GART: variants seen among roughly 807,000 people sequenced by gnomAD.
GART encodes the protein trifunctional purine biosynthetic protein adenosine-3.
GART carries 43 observed loss-of-function variants against 107.2 expected under a neutral mutation model. The ratio of observed to expected loss-of-function variants is 0.40; its 90% CI spans 0.31 to 0.52. The LOEUF is 0.52. GART is among the 20% of genes least tolerant of loss of function. The pLI is 0.52. For missense variants in GART, 1,107 were observed against 1,206.5 expected (o/e 0.92, Z 1.22); for synonymous variants, 434 against 427.0 (o/e 1.02, Z -0.20).
chr21:33,509,685 T>C (rs2084748626), intron 18 of GART, 98 bp downstream of exon 18: 5 of 1,285,872 alleles, frequency 3.9e-6, no homozygotes, highest in African/African-American at 1.5e-5. Flanking sequence ...CCCCAGTCCC[T>C]AGACTCTGCC....
At chr21:33,524,458 T>C (rs1601202004) in intron 11 of GART, 11 of 646,094 alleles carry the variant, frequency 1.7e-5, no homozygotes, top group African/African-American at 1.4e-4. Context: ...GGCTGAGGCA[T>C]GAGAACTTGG....
intron 14 of GART, among the ~76,000 whole-genome samples, chr21:33,520,063 G>A (rs143326290): frequency 1.3e-5 from 2 of 152,216 alleles, no homozygotes; most frequent in African/African-American, 4.8e-5. Context: ...TTGTTGAGGA[G>A]GCTACTGAGA....
chr21:33,505,598 C>T lies in GART; in HGVS notation c.2688G>A (p.Met896Ile). Reference protein sequence around the residue: ...SIDIVCLAGFMRILSGPFVQK... With the variant: ...SIDIVCLAGFIRILSGPFVQK... ...GGACAAAGGGGCCAGAAAGAATTCT[C>T]ATGAATCCTGCAAGACAGACTATGT... Residue 896 changes from methionine (M) to isoleucine (I), a missense_variant, in exon 20 of 22, where the codon ATG (methionine) becomes ATA (isoleucine). By Grantham distance (10) the Met-to-Ile change is conservative. Coordinates refer to ENST00000381815, the MANE Select transcript of GART (RefSeq NM_000819.5). 6.2e-7 allele frequency: 1 copy of T among 1,606,874 alleles called. No individual in the cohort carries two copies. The highest frequency in any genetic ancestry group is 1.3e-5 in the African/African-American group (1 of 74,748).
At chr21:33,517,189 C>T (rs1475910497) in intron 15 of GART, 48 bp from the exon 16 acceptor site, 1 of 1,573,066 alleles carries the variant, frequency 6.4e-7, no homozygotes, top group South Asian at 1.2e-5. Context: ...GAATAGAAAA[C>T]CAAAACATAA....
At position 33,509,798 on chromosome 21, in the gene GART, A is replaced by T; in HGVS notation, c.2437T>A (p.Leu813Ile). 1 of 1,613,914 alleles carries T rather than the reference A, an allele frequency of 6.2e-7. No homozygotes were observed. Among genetic ancestry groups the T allele is most frequent in the Non-Finnish European group, 8.5e-7 (1 of 1,179,932 alleles). Reference protein sequence around the residue: ...FEKKKARVAVLISGTGSNLQA... With the variant: ...FEKKKARVAVIISGTGSNLQA... ...CACATCTCACCTGTTCCAGATATTA[A>T]GACAGCCACTCTGGCCTTTTTTTTT... Residue 813 changes from leucine to isoleucine, a missense_variant, in exon 18 of 22, where the codon TTA becomes ATA. Leu to Ile is a conservative substitution (Grantham distance 5). Transcript: ENST00000381815.
intron 16 of GART, among the ~76,000 whole-genome samples, chr21:33,516,246 TA>T (rs11321647): frequency 0.51 from 48,952 of 95,110 alleles, 10,862 homozygotes; most frequent in East Asian, 0.66. Context: ...AGACTCTGTC[TA>T]AAAAAAAAAA....
chr21:33,505,656 G>A lies in GART; in HGVS notation c.2630C>T (p.Ala877Val). ...GAACTCTTCAAGGACTAGGTCAATTGCACTGTCAAATTCTACACGATTTTT... is the reference window on the plus strand; with the variant it reads ...GAACTCTTCAAGGACTAGGTCAATTACACTGTCAAATTCTACACGATTTTT... ...LYKNRVEFDSAIDLVLEEFSI... is the reference protein window; with the variant it reads ...LYKNRVEFDSVIDLVLEEFSI... The change falls in exon 20 of 22, where the codon GCA becomes GTA. Residue 877 changes from alanine (A) to valine (V), a missense_variant. Physicochemically the swap from Ala to Val is moderately conservative, Grantham distance 64. Transcript: ENST00000381815. The A allele has an allele frequency of 4.3e-6, 7 of 1,611,482 alleles. No homozygotes were observed. The highest frequency in any genetic ancestry group is 1.1e-5 in the South Asian group (1 of 90,696).
chr21:33,516,862 A>C (rs2084888299), intron 16 of GART, 127 bp downstream of exon 16: 2 of 793,884 alleles, frequency 2.5e-6, no homozygotes, highest in Admixed American at 2.9e-5. Flanking sequence ...TTTCCCTCCC[A>C]AAACCCCCAA....
intron 16 of GART, among the ~76,000 whole-genome samples, chr21:33,514,323 G>A (rs1227532420): frequency 6.6e-6 from 1 of 152,134 alleles, no homozygotes; most frequent in Non-Finnish European, 1.5e-5. Flanking sequence ...TGTTGTCAAA[G>A]TATGATTCCT....
chr21:33,538,296 G>A (rs2085342854), intron 2 of GART, among the ~76,000 whole-genome samples: 1 of 149,562 alleles, frequency 6.7e-6, no homozygotes, highest in Non-Finnish European at 1.5e-5. Flanking sequence ...ATCTATTAGA[G>A]TAACAACTGT....
At chr21:33,519,900 T>G (rs1162348756) in intron 14 of GART, among the ~76,000 whole-genome samples, 1 of 151,996 alleles carries the variant, frequency 6.6e-6, no homozygotes, top group African/African-American at 2.4e-5. Flanking sequence ...GCTCAAACAT[T>G]TCATGTATAA....
At chr21:33,539,853 G>A (rs1308170254) in intron 1 of GART, among the ~76,000 whole-genome samples, 4 of 152,104 alleles carry the variant, frequency 2.6e-5, no homozygotes, top group Admixed American at 2.6e-4. Context: ...TCAAAAAGAA[G>A]GCAGGCTGGC....
chr21:33,516,655 G>A (rs2084884958), intron 16 of GART, among the ~76,000 whole-genome samples: 2 of 152,062 alleles, frequency 1.3e-5, no homozygotes, highest in South Asian at 2.1e-4. Flanking sequence ...CTTTTATCTC[G>A]AATATGGATT....
rs369689484 is a variant in GART, at chr21:33,534,572, T to C, written c.416+7A>G. 3.1e-6 allele frequency: 5 copies of C among 1,613,932 alleles called. No individual in the cohort carries two copies. The African/African-American group carries it at 6.7e-5, about 22-fold the overall frequency. ...CAACTGTCCTTCACAGACAACCATT[T>C]ACCTACCTCAAAATGAAGCTGCAGG... On this transcript the variant is annotated splice_region_variant and intron_variant, in intron 4 of 21. Coordinates refer to ENST00000381815, the MANE Select transcript of GART (RefSeq NM_000819.5).
intron 2 of GART, among the ~76,000 whole-genome samples, chr21:33,536,219 A>G (rs748808326): frequency 1.3e-5 from 2 of 152,208 alleles, no homozygotes; most frequent in Non-Finnish European, 2.9e-5. Context: ...TCTTTGGGGC[A>G]GAGCTGTTTA....
intron 16 of GART, among the ~76,000 whole-genome samples, chr21:33,511,999 A>C (rs568737569): frequency 3.9e-5 from 6 of 152,092 alleles, no homozygotes; most frequent in Non-Finnish European, 7.4e-5. Context: ...GCCGGGCGTG[A>C]GAATCCCAAC....
rs751275053 is a variant in GART, at chr21:33,524,898, G to A, written c.1169C>T (p.Thr390Ile). ...VTHGGRVLAV[T>I]AIRENLISAL... is the part of the protein sequence containing the mutation. ...TGATATGAGATTTTCCCGGATGGCTGTGACTGCAAGAACTCTACCCCCATG... is the reference window on the plus strand; with the variant it reads ...TGATATGAGATTTTCCCGGATGGCTATGACTGCAAGAACTCTACCCCCATG... The change falls in exon 11 of 22, where the codon ACA becomes ATA. Residue 390 changes from threonine (T) to isoleucine (I), a missense_variant. By Grantham distance (89) the Thr-to-Ile change is moderately conservative. Coordinates refer to ENST00000381815, the MANE Select transcript of GART (RefSeq NM_000819.5). 3.1e-6 allele frequency: 5 copies of A among 1,614,044 alleles called. No individual in the cohort carries two copies. The highest frequency in any genetic ancestry group is 4.2e-6 in the Non-Finnish European group (5 of 1,180,040).
intron 2 of GART, 108 bp from the exon 3 acceptor site, chr21:33,535,428 T>C: frequency 1.6e-6 from 1 of 607,064 alleles, no homozygotes; most frequent in Non-Finnish European, 2.7e-6. Context: ...TTAGTATGCT[T>C]GTTATCTGTT....
intron 14 of GART, 139 bp from the exon 15 acceptor site, chr21:33,517,747 C>T: frequency 1.2e-6 from 1 of 865,584 alleles, no homozygotes. Context: ...ACTCTACCAG[C>T]TGTCTAACAG....
Sources: allele counts gnomAD v4.1 joint callset (sites outside exome capture counted in the v4.1 genomes callset), GRCh38; gene constraint gnomAD v4.1.1; transcripts MANE v1.5; gene names NCBI Gene and HGNC (gene_info 2026-07-23, HGNC 2026-07-21).